The following GBX1 variants were observed in gnomAD, a reference collection of about 807,000 sequenced individuals.
GBX1 encodes gastrulation brain homeobox 1.
Under a neutral mutation model 22.9 loss-of-function variants are expected in GBX1, and 9 were observed. That is an observed-to-expected ratio of 0.39 (90% confidence interval 0.24 to 0.69). The LOEUF is 0.69. GBX1 is among the 30% of genes least tolerant of loss of function. GBX1 has a pLI of 0.43. For synonymous variants in GBX1, 203 were observed against 227.3 expected (o/e 0.89, Z 0.96); for missense variants, 494 against 509.2 (o/e 0.97, Z 0.29).
In GBX1 at chr7:151,148,346, C is replaced by A. The variant is rs1473354990; in HGVS notation, c.*243G>T. On this transcript the variant is annotated 3_prime_UTR_variant, in exon 2 of 2. Transcript: ENST00000297537. The surrounding 1 kb of genome is among the most constrained non-coding windows in gnomAD (Gnocchi z 5.1). ...CCAACAGCTCCTCAGCAATAGAACC[C>A]CAGCCCCTTTAACCTTGAAGCCCCT... Among the ~76,000 whole-genome samples, 1 of 152,158 alleles carries A rather than the reference C, an allele frequency of 6.6e-6. No individual in the cohort carries two copies. The highest frequency in any genetic ancestry group is 1.5e-5 in the Non-Finnish European group (1 of 68,036).
At chr7:151,166,589 G>A (rs545251046) in intron 1 of GBX1, among the ~76,000 whole-genome samples, 38 of 148,692 alleles carry the variant, frequency 2.6e-4, no homozygotes, top group African/African-American at 7.3e-4. Flanking sequence ...AAGCCAGAAC[G>A]TGCCCTCCAT....
In GBX1 at chr7:151,167,661, G is replaced by C. The variant is rs1801276733; in HGVS notation, c.-113C>G. ...GGGCTCGCTCCCTGGCTCCCGGGCC[G>C]AGGTGGCGGCGGGGCGCGGGCTCGG... On this transcript the variant is annotated 5_prime_UTR_variant, in exon 1 of 2. Transcript: ENST00000297537. The surrounding 1 kb of genome is among the most constrained non-coding windows in gnomAD (Gnocchi z 5.9). 1.8e-6 allele frequency: 2 copies of C among 1,090,978 alleles called. No individual in the cohort carries two copies. Among genetic ancestry groups the C allele is most frequent in the East Asian group, 9.9e-5 (2 of 20,288 alleles). 67.6% of individuals were successfully genotyped at this position (1,090,978 alleles called of 1,614,324 possible). A position where few individuals can be genotyped will look rare whatever the true frequency, so the allele number is the denominator to read the frequency against.
intron 1 of GBX1, among the ~76,000 whole-genome samples, chr7:151,149,552 G>A (rs1025255269): frequency 4.6e-5 from 7 of 151,918 alleles, no homozygotes; most frequent in Non-Finnish European, 8.8e-5. Flanking sequence ...GCCAGGCCTC[G>A]CAGCCTCAGG....
Position 151,167,106 on chromosome 7 carries a change from A to G in GBX1, c.443T>C (p.Leu148Pro). The change falls in exon 1 of 2, where the codon CTG becomes CCG. Residue 148 changes from leucine to proline, a missense_variant. By Grantham distance (98) the Leu-to-Pro change is moderately conservative (BLOSUM62 -3). Around this residue, in one of 3 missense-constraint regions of GBX1, gnomAD observed 365 missense variants for 340.4 expected, o/e 1.07. Coordinates refer to ENST00000297537, the MANE Select transcript of GBX1 (RefSeq NM_001098834.3). This position sits in a 1 kb window ranked among gnomAD's most constrained non-coding sequence, Gnocchi z 5.9. The part of the protein sequence containing the change: ...EPGGRRPEGG[L>P]EADELLPARE... ...GGCCGGCAGCAGCTCATCAGCTTCC[A>G]GCCCACCCTCTGGGCGTCGGCCGCC... The G allele has an allele frequency of 1.2e-6, 2 of 1,603,416 alleles. 1 individual carries two copies. Among genetic ancestry groups the G allele is most frequent in the South Asian group, 2.2e-5 (2 of 89,672 alleles).
chr7:151,154,166 G>T (rs527365617), intron 1 of GBX1, among the ~76,000 whole-genome samples: 9 of 151,956 alleles, frequency 5.9e-5, no homozygotes, highest in Non-Finnish European at 1.2e-4. Context: ...AGCAGAGAGC[G>T]CGCCACTGCA....
intron 1 of GBX1, among the ~76,000 whole-genome samples, chr7:151,164,580 C>A (rs186311021): frequency 4.5e-4 from 68 of 152,276 alleles, no homozygotes; most frequent in African/African-American, 1.6e-3. Context: ...TTGAATGTTT[C>A]TTCTGAAGTC....
Position 151,159,234 on chromosome 7 carries a change from G to A in GBX1, c.538+7777C>T, listed in dbSNP as rs994047437. 2.0e-4 allele frequency among the ~76,000 whole-genome samples: 30 copies of A among 151,984 alleles called. 1 individual carries two copies. Among genetic ancestry groups the A allele is most frequent in the African/African-American group, 3.1e-4 (13 of 41,432 alleles). On this transcript the variant is annotated intron_variant, in intron 1 of 1. Transcript: ENST00000297537. Reference sequence around the variant, plus strand: ...AGTGTAGCTGGGACCACAGGTGTGCGCCACCACTGCTAGCTAATTTTCTGT... The same window carrying A: ...AGTGTAGCTGGGACCACAGGTGTGCACCACCACTGCTAGCTAATTTTCTGT...
At chr7:151,149,494 C>T (rs542735126) in intron 1 of GBX1, among the ~76,000 whole-genome samples, 3 of 151,594 alleles carry the variant, frequency 2.0e-5, no homozygotes, top group South Asian at 2.1e-4. Context: ...TTTCTCGGAA[C>T]CTAGAGACCA....
At chr7:151,165,353 T>C (rs1331315134) in intron 1 of GBX1, among the ~76,000 whole-genome samples, 1 of 152,202 alleles carries the variant, frequency 6.6e-6, no homozygotes, top group Non-Finnish European at 1.5e-5. Context: ...CATATGCCCC[T>C]AAGTCCCCGC....
chr7:151,167,293 TGTTGGTAAG>T lies in GBX1; in HGVS notation c.247_255del (p.Leu83_Asn85del). ...GCCTGACCCAGCCCCGCGCAGAAGG[TGTTGGTAAG>T]GCGGCCGGCGAAAGAGGCTAGCGGG... is the stretch of plus-strand genomic sequence containing the variant. On this transcript the variant is annotated inframe_deletion, in exon 1 of 2. Coordinates refer to ENST00000297537, the MANE Select transcript of GBX1 (RefSeq NM_001098834.3). The surrounding 1 kb of genome is among the most constrained non-coding windows in gnomAD (Gnocchi z 5.9). 6.5e-7 allele frequency: 1 copy of T among 1,529,444 alleles called. No homozygotes were observed. The allele number at this position is 1,529,444 out of a possible 1,614,324, so 94.7% of individuals were successfully genotyped here.
At chr7:151,151,942 C>G (rs1237876883) in intron 1 of GBX1, among the ~76,000 whole-genome samples, 1 of 152,218 alleles carries the variant, frequency 6.6e-6, no homozygotes, top group Non-Finnish European at 1.5e-5. Flanking sequence ...CTCCCCTGGT[C>G]ATCCTTTTAA....
intron 1 of GBX1, among the ~76,000 whole-genome samples, chr7:151,158,756 T>C (rs750689638): frequency 6.6e-6 from 1 of 152,198 alleles, no homozygotes; most frequent in Non-Finnish European, 1.5e-5. Context: ...ACACCATTCC[T>C]AGTAACAAGA....
Position 151,167,472 on chromosome 7 carries a change from G to A in GBX1, c.77C>T (p.Ser26Phe). ...GGGGGPGTAF[S>F]IDSLIGPPPP... ...CGGCGGCCCGATTAGGGAGTCGATG[G>A]AGAAGGCAGTGCCCGGGCCCCCGCC... The change falls in exon 1 of 2, where the codon TCC (serine) becomes TTC (phenylalanine). Residue 26 changes from serine to phenylalanine, a missense_variant. Around this residue, in one of 3 missense-constraint regions of GBX1, gnomAD observed 365 missense variants for 340.4 expected, o/e 1.07. Coordinates refer to ENST00000297537, the MANE Select transcript of GBX1 (RefSeq NM_001098834.3). The surrounding 1 kb of genome is among the most constrained non-coding windows in gnomAD (Gnocchi z 5.9). 1 of 1,507,130 alleles carries A rather than the reference G, an allele frequency of 6.6e-7. No homozygotes were observed. Among genetic ancestry groups the A allele is most frequent in the Middle Eastern group, 2.1e-4 (1 of 4,744 alleles). 93.4% of individuals were successfully genotyped at this position (1,507,130 alleles called of 1,614,324 possible).
At position 151,167,568 on chromosome 7, in the gene GBX1, G is replaced by T. The variant is rs1485219762; in HGVS notation, c.-20C>A. Reference sequence around the variant, plus strand: ...CTGCATCTTGTTCGGAGCTGCGGCCGCCCCGGGGCGCTCCTCTCTGGGCGC... The same window carrying T: ...CTGCATCTTGTTCGGAGCTGCGGCCTCCCCGGGGCGCTCCTCTCTGGGCGC... On this transcript the variant is annotated 5_prime_UTR_variant, in exon 1 of 2. Coordinates refer to ENST00000297537, the MANE Select transcript of GBX1 (RefSeq NM_001098834.3). The surrounding 1 kb of genome is among the most constrained non-coding windows in gnomAD (Gnocchi z 5.9). 6 of 1,403,020 alleles carry T rather than the reference G, an allele frequency of 4.3e-6. No homozygotes were observed. Among genetic ancestry groups the T allele is most frequent in the Admixed American group, 3.9e-5 (1 of 25,770 alleles). 86.9% of individuals were successfully genotyped at this position (1,403,020 alleles called of 1,614,324 possible). A position where few individuals can be genotyped will look rare whatever the true frequency, so the allele number is the denominator to read the frequency against.
intron 1 of GBX1, among the ~76,000 whole-genome samples, chr7:151,155,504 C>T (rs1801124122): frequency 6.6e-6 from 1 of 152,142 alleles, no homozygotes; most frequent in African/African-American, 2.4e-5. Context: ...CTACTCCTGC[C>T]TATAATTTTA....
chr7:151,148,746 C>T lies in GBX1; in HGVS notation c.935G>A (p.Arg312Gln), dbSNP rs745869295. 2.5e-5 allele frequency: 40 copies of T among 1,614,072 alleles called. No homozygotes were observed. Among genetic ancestry groups the T allele is most frequent in the Non-Finnish European group, 2.8e-5 (33 of 1,180,054 alleles). Residue 312 changes from arginine (R) to glutamine (Q), a missense_variant, in exon 2 of 2, where the codon CGA (arginine) becomes CAA (glutamine). Arg to Gln is a conservative substitution (Grantham distance 43). This residue lies in a region of GBX1 where 124 missense variants were observed against 152.0 expected (regional missense o/e 0.82). Coordinates refer to ENST00000297537, the MANE Select transcript of GBX1 (RefSeq NM_001098834.3). This position sits in a 1 kb window ranked among gnomAD's most constrained non-coding sequence, Gnocchi z 5.1. ...EVQVKIWFQN[R>Q]RAKWKRIKAG... The stretch of plus-strand genomic sequence containing the variant: ...TTTGATGCGCTTCCACTTGGCCCGT[C>T]GATTCTGAAACCAGATCTTGACCTG...
intron 1 of GBX1, among the ~76,000 whole-genome samples, chr7:151,165,456 A>T (rs1203620629): frequency 6.6e-6 from 1 of 152,020 alleles, no homozygotes; most frequent in Non-Finnish European, 1.5e-5. Context: ...CTCCAAAGTC[A>T]TCTCTTTGAT....
Position 151,167,050 on chromosome 7 carries a change from G to A in GBX1, c.499C>T (p.Pro167Ser), listed in dbSNP as rs762923938. The A allele has an allele frequency of 1.2e-6, 2 of 1,603,136 alleles. No homozygotes were observed. The highest frequency in any genetic ancestry group is 4.6e-5 in the East Asian group (2 of 43,374). The change falls in exon 1 of 2, where the codon CCG (proline) becomes TCG (serine). Residue 167 changes from proline to serine, a missense_variant. Coordinates refer to ENST00000297537, the MANE Select transcript of GBX1 (RefSeq NM_001098834.3). The surrounding 1 kb of genome is among the most constrained non-coding windows in gnomAD (Gnocchi z 5.9). ...AAAGTCTCTGAGAAGTGCGGAGGCGGAGGTGGTGGGGGCTCTGCCACTTTC... is the reference window on the plus strand; with the variant it reads ...AAAGTCTCTGAGAAGTGCGGAGGCGAAGGTGGTGGGGGCTCTGCCACTTTC... The part of the protein sequence containing the change: ...REKVAEPPPP[P>S]PPHFSETFPS...
intron 1 of GBX1, among the ~76,000 whole-genome samples, chr7:151,160,926 C>T (rs1394297389): frequency 6.6e-6 from 1 of 152,166 alleles, no homozygotes; most frequent in Non-Finnish European, 1.5e-5. Context: ...AGTTTCTTTC[C>T]TACCCCAGCA....
Sources: gnomAD v4.1 joint callset for allele counts (sites outside exome capture counted in the v4.1 genomes callset) on GRCh38, gnomAD v4.1.1 for gene constraint, gnomAD v4.1.1 regional missense constraint, Gnocchi (gnomAD v3.1) non-coding constraint, MANE v1.5 for transcripts, NCBI Gene and HGNC (gene_info 2026-07-23, HGNC 2026-07-21) for gene names.